The following ESR1 variants were observed in gnomAD, a reference collection of about 807,000 sequenced individuals.
ESR1 encodes estrogen receptor 1.
Under a neutral mutation model 52.7 loss-of-function variants are expected in ESR1, and 12 were observed. That is an observed-to-expected ratio of 0.23 (90% CI 0.15 to 0.37). The LOEUF (loss-of-function observed/expected upper bound fraction) is 0.37. ESR1 is among the 10% of genes least tolerant of loss of function. ESR1 has a pLI of 1.00. For missense variants in ESR1, 584 were observed against 779.7 expected (o/e 0.75, Z 2.99); for synonymous variants, 305 against 316.8 (o/e 0.96, Z 0.39).
At chr6:151,998,876 A>G (rs1299927088) in intron 4 of ESR1, among the ~76,000 whole-genome samples, 1 of 152,106 alleles carries the variant, frequency 6.6e-6, no homozygotes, top group East Asian at 1.9e-4. Flanking sequence ...GGTTTTTGCC[A>G]TGGATTCCTA....
At chr6:151,855,307 CTTTAT>C (rs1366325270) in intron 2 of ESR1, among the ~76,000 whole-genome samples, 4 of 152,258 alleles carry the variant, frequency 2.6e-5, no homozygotes, top group African/African-American at 9.6e-5. Context: ...TGGTTTTTCT[CTTTAT>C]TTTATTTTGT....
chr6:152,048,382 A>AAGT (rs2046405564), intron 5 of ESR1, among the ~76,000 whole-genome samples: 1 of 151,286 alleles, frequency 6.6e-6, no homozygotes, highest in South Asian at 2.1e-4. Context: ...AAAAAAAAAA[A>AAGT]AGTCACTCAC....
chr6:151,854,045 T>C (rs1709181), intron 2 of ESR1, among the ~76,000 whole-genome samples: 71,264 of 151,982 alleles, frequency 0.47, 17,632 homozygotes, highest in African/African-American at 0.64. Flanking sequence ...TTTCTCTCTT[T>C]TTCATAGAGA....
At chr6:151,948,757 C>T (rs1015605037) in intron 4 of ESR1, among the ~76,000 whole-genome samples, 11 of 152,066 alleles carry the variant, frequency 7.2e-5, no homozygotes, top group African/African-American at 1.5e-4. Context: ...TCCCACCAGC[C>T]CCAAGTTCAG....
intron 2 of ESR1, among the ~76,000 whole-genome samples, chr6:151,724,939 C>T (rs916297837): frequency 6.6e-6 from 1 of 152,126 alleles, no homozygotes; most frequent in Non-Finnish European, 1.5e-5. Context: ...TTTATTTGGT[C>T]ATTTTAAGAG....
Position 152,099,742 on chromosome 6 carries a change from A to G in ESR1, c.*776A>G, listed in dbSNP as rs2050896294. The G allele has an allele frequency of 3.0e-6, 1 of 331,148 alleles. No homozygotes were observed. Among genetic ancestry groups the G allele is most frequent in the African/African-American group, 2.1e-5 (1 of 47,656 alleles). The allele number at this position is 331,148 out of a possible 1,614,324, so 20.5% of individuals were successfully genotyped here. A position where few individuals can be genotyped will look rare whatever the true frequency, so the allele number is the denominator to read the frequency against. The stretch of plus-strand genomic sequence containing the variant: ...GTTGATCTTAGTTAAGTCTCCCTAT[A>G]TGAGGGATAAGTTCCTGATTTTTGT... On this transcript the variant is annotated 3_prime_UTR_variant, in exon 8 of 8. Coordinates refer to ENST00000206249, the MANE Select transcript of ESR1 (RefSeq NM_000125.4).
chr6:151,980,502 C>T (rs970663829), intron 4 of ESR1, among the ~76,000 whole-genome samples: 3 of 151,626 alleles, frequency 2.0e-5, no homozygotes, highest in African/African-American at 7.3e-5. Flanking sequence ...TTTGTTTGAA[C>T]AAAAATCAAA....
At chr6:151,922,422 C>T (rs2031878401) in intron 3 of ESR1, among the ~76,000 whole-genome samples, 1 of 152,150 alleles carries the variant, frequency 6.6e-6, no homozygotes, top group African/African-American at 2.4e-5. Flanking sequence ...TGTCTATTCT[C>T]CTCCATTAAT....
intron 2 of ESR1, among the ~76,000 whole-genome samples, chr6:151,855,163 C>CT (rs1047855937): frequency 6.6e-6 from 1 of 152,226 alleles, no homozygotes; most frequent in Admixed American, 6.5e-5. Flanking sequence ...GTCCTCCTGC[C>CT]TTGGCCTCCC....
At chr6:152,082,073 A>G (rs1319505279) in intron 6 of ESR1, among the ~76,000 whole-genome samples, 2 of 152,232 alleles carry the variant, frequency 1.3e-5, no homozygotes, top group African/African-American at 4.8e-5. Flanking sequence ...AACTATTCCA[A>G]TCAATAGAAA....
chr6:151,919,614 C>T (rs2031169810), intron 3 of ESR1, among the ~76,000 whole-genome samples: 1 of 152,120 alleles, frequency 6.6e-6, no homozygotes, highest in Non-Finnish European at 1.5e-5. Context: ...CATGTTGACC[C>T]CATCAATGTA....
intron 1 of ESR1, among the ~76,000 whole-genome samples, chr6:151,812,968 C>CA (rs34387307): frequency 0.42 from 59,055 of 141,990 alleles, 11,830 homozygotes; most frequent in African/African-American, 0.5. Flanking sequence ...ATGTCACTTA[C>CA]AAAAAAAAAA....
intron 1 of ESR1, chr6:151,813,272 T>G (rs919559960): frequency 6.6e-6 from 1 of 152,200 alleles, no homozygotes; most frequent in Admixed American, 6.5e-5. Context: ...ACTGACACAA[T>G]TTTATGTAGT....
intron 1 of ESR1, among the ~76,000 whole-genome samples, chr6:151,818,479 T>C (rs1306026830): frequency 1.3e-5 from 2 of 152,198 alleles, no homozygotes; most frequent in Non-Finnish European, 2.9e-5. Context: ...CCAACCCTTT[T>C]CTAAGAAGGG....
chr6:152,037,895 T>A (rs906778900), intron 5 of ESR1, among the ~76,000 whole-genome samples: 2 of 152,098 alleles, frequency 1.3e-5, no homozygotes, highest in African/African-American at 2.4e-5. Flanking sequence ...CTTTCCTAGG[T>A]GTATTAGGGT....
At chr6:151,899,999 C>CG (rs1562528031) in intron 3 of ESR1, among the ~76,000 whole-genome samples, 1 of 152,152 alleles carries the variant, frequency 6.6e-6, no homozygotes, top group Non-Finnish European at 1.5e-5. Flanking sequence ...GGGGTGGCCC[C>CG]GGGCAGAGGC....
chr6:152,034,761 C>A (rs2128877539), intron 5 of ESR1, among the ~76,000 whole-genome samples: 1 of 152,268 alleles, frequency 6.6e-6, no homozygotes, highest in Admixed American at 6.5e-5. Flanking sequence ...AGTGCAGACC[C>A]ACATGAATCA....
In ESR1 at chr6:151,728,667, C is replaced by A. The variant is rs1307706662; in HGVS notation, c.-71+26662C>A. Among the ~76,000 whole-genome samples the A allele has an allele frequency of 3.3e-5, 5 of 152,062 alleles. No homozygotes were observed. The South Asian group carries it at 1.0e-3, about 32-fold the overall frequency. ...ACAATAACATAAGGAACATACCTGC[C>A]CCCCATCCACACATTTGATGCGCCT... On this transcript the variant is annotated intron_variant, in intron 2 of 2. Coordinates refer to the ESR1 transcript ENST00000404742.
chr6:151,924,835 GT>G (rs1057371994), intron 3 of ESR1, among the ~76,000 whole-genome samples: 1 of 150,754 alleles, frequency 6.6e-6, no homozygotes, highest in East Asian at 1.9e-4. Flanking sequence ...GTACTACATT[GT>G]TTTTTTTTAA....
Sources: allele counts gnomAD v4.1 joint callset (sites outside exome capture counted in the v4.1 genomes callset), GRCh38; gene constraint gnomAD v4.1.1; transcripts MANE v1.5; gene names NCBI Gene and HGNC (gene_info 2026-07-23, HGNC 2026-07-21).